Variants in MARCHF8 observed in about 807,000 individuals in gnomAD.
MARCHF8 encodes membrane associated ring-CH-type finger 8.
A neutral mutation model predicts 51.6 loss-of-function variants in MARCHF8; 40 were observed. The ratio of observed to expected loss-of-function variants is 0.77; its 90% CI spans 0.60 to 1.01. MARCHF8 has a LOEUF of 1.01. MARCHF8 is among the 50% of genes least tolerant of loss of function. The pLI is 0.00. For synonymous variants in MARCHF8, 263 were observed against 280.3 expected (o/e 0.94, Z 0.62); for missense variants, 685 against 708.6 (o/e 0.97, Z 0.38).
chr10:45,562,194 T>C (rs1009960742), intron 1 of MARCHF8, among the ~76,000 whole-genome samples: 9 of 151,900 alleles, frequency 5.9e-5, no homozygotes, highest in Non-Finnish European at 8.8e-5. Flanking sequence ...TAAGTCCTAG[T>C]GGGAAACAAT....
chr10:45,541,068 G>C (rs2044045144), intron 1 of MARCHF8, among the ~76,000 whole-genome samples: 2 of 152,214 alleles, frequency 1.3e-5, no homozygotes, highest in African/African-American at 4.8e-5. Context: ...CCCATTACTT[G>C]GTATATACTC....
At chr10:45,488,135 C>T (rs1189773638) in intron 3 of MARCHF8, among the ~76,000 whole-genome samples, 1 of 152,114 alleles carries the variant, frequency 6.6e-6, no homozygotes, top group Non-Finnish European at 1.5e-5. Flanking sequence ...GCTAAAAAGA[C>T]CACACCACAG....
rs41301623 is a variant in MARCHF8 at position 45,464,314 on chromosome 10, G to A, written c.167C>T (p.Pro56Leu). The change falls in exon 4 of 8, where the codon CCG becomes CTG. Residue 56 changes from proline (P) to leucine (L), a missense_variant. By Grantham distance (98) the Pro-to-Leu change is moderately conservative. Transcript: ENST00000453424. ...CACCGGAGCCGGAGCTGATGCTGAC[G>A]GAGGACTCCCAGCCTGCAATGACAG... ...SSNISKAGSP[P>L]SASAPAPVSS... 7,112 of 1,614,150 alleles carry A rather than the reference G, an allele frequency of 4.4e-3. 26 individuals are homozygous for A. Among genetic ancestry groups the A allele is most frequent in the Non-Finnish European group, 5.3e-3 (6,208 of 1,179,998 alleles).
rs1245600568 is a variant in MARCHF8, at chr10:45,463,534, C to A, written c.705G>T (p.Lys235Asn). The change falls in exon 5 of 8, where the codon AAG becomes AAT. Residue 235 changes from lysine (K) to asparagine (N), a missense_variant. Transcript: ENST00000453424. ...RSTASEVEAG[K>N]GGRPGLLLEE... ...CCAGCAGCAGGCCGGGCCTGCCCCC[C>A]TTGCCAGCTTCCACCTCTGAGGCAG... 1.3e-6 allele frequency: 2 copies of A among 1,550,546 alleles called. No individual in the cohort carries two copies. The highest frequency in any genetic ancestry group is 4.9e-5 in the East Asian group (2 of 40,938).
chr10:45,553,849 A>ACT (rs1202491667), intron 1 of MARCHF8, among the ~76,000 whole-genome samples: 2 of 152,118 alleles, frequency 1.3e-5, no homozygotes, highest in African/African-American at 4.8e-5. Flanking sequence ...ACACACACAC[A>ACT]CACTCTTGCT....
chr10:45,484,302 G>T (rs1266945462), intron 3 of MARCHF8, among the ~76,000 whole-genome samples: 1 of 152,200 alleles, frequency 6.6e-6, no homozygotes, highest in Admixed American at 6.5e-5. Flanking sequence ...AGTACATAGG[G>T]TGAGGACTGA....
intron 1 of MARCHF8, among the ~76,000 whole-genome samples, chr10:45,553,406 A>C (rs868748019): frequency 2.0e-5 from 3 of 152,340 alleles, no homozygotes; most frequent in Middle Eastern, 3.4e-3. Context: ...ACCCTAGATC[A>C]CAAGACTGGC....
At chr10:45,546,319 C>G (rs2044121516) in intron 1 of MARCHF8, among the ~76,000 whole-genome samples, 1 of 152,032 alleles carries the variant, frequency 6.6e-6, no homozygotes, top group Non-Finnish European at 1.5e-5. Context: ...CGCCACCACT[C>G]CTGTCTAATT....
chr10:45,537,635 A>G (rs2043991239), upstream of MARCHF8, among the ~76,000 whole-genome samples: 1 of 151,604 alleles, frequency 6.6e-6, no homozygotes, highest in Non-Finnish European at 1.5e-5. Flanking sequence ...CCTAGGTGAT[A>G]CAGTGAGACC....
intron 2 of MARCHF8, among the ~76,000 whole-genome samples, chr10:45,530,412 G>A (rs1003407185): frequency 3.9e-5 from 6 of 152,106 alleles, no homozygotes; most frequent in African/African-American, 1.4e-4. Flanking sequence ...TGGGTGTCAG[G>A]TATATGAAAA....
At chr10:45,567,243 T>A (rs2044375407) in intron 1 of MARCHF8, among the ~76,000 whole-genome samples, 1 of 152,234 alleles carries the variant, frequency 6.6e-6, no homozygotes, top group Admixed American at 6.5e-5. Flanking sequence ...CTTCCTTTTG[T>A]TGACTGTATC....
intron 1 of MARCHF8, among the ~76,000 whole-genome samples, chr10:45,561,530 T>C (rs2044310223): frequency 6.6e-6 from 1 of 150,986 alleles, no homozygotes; most frequent in Non-Finnish European, 1.5e-5. Context: ...CACCTCAGCC[T>C]CCCAAAGTGC....
intron 1 of MARCHF8, among the ~76,000 whole-genome samples, chr10:45,541,411 G>A (rs1039170190): frequency 6.6e-6 from 1 of 152,058 alleles, no homozygotes. Context: ...CACACACCGG[G>A]GCCTGTTGCG....
intron 2 of MARCHF8, among the ~76,000 whole-genome samples, chr10:45,525,853 A>G (rs964805360): frequency 6.6e-6 from 1 of 152,218 alleles, no homozygotes; most frequent in African/African-American, 2.4e-5. Context: ...AGTATTCTTC[A>G]AAACTGTCAA....
chr10:45,579,304 T>C (rs1200489799), intron 1 of MARCHF8, among the ~76,000 whole-genome samples: 1 of 152,074 alleles, frequency 6.6e-6, no homozygotes, highest in Non-Finnish European at 1.5e-5. Context: ...CTCTATATTC[T>C]TTGTGTATTT....
At chr10:45,567,410 G>A (rs1322309380) in intron 1 of MARCHF8, among the ~76,000 whole-genome samples, 2 of 152,170 alleles carry the variant, frequency 1.3e-5, no homozygotes, top group Non-Finnish European at 2.9e-5. Flanking sequence ...CATAGTTTGA[G>A]GTCTTAGCTT....
Position 45,463,858 on chromosome 10 carries a change from T to C in MARCHF8, c.381A>G (p.Ser127=). Residue 127 remains serine, a synonymous_variant, in exon 5 of 8, where the codon TCA becomes TCG. Transcript: ENST00000453424. ...TVICKDTLQA[S]KRNSFGSEWA... is the part of the protein sequence containing the mutation. ...ATTCTGAACCAAAGGAATTTCTCTT[T>C]GACGCCTGTAATGTGTCCTTACAGA... The C allele has an allele frequency of 2.6e-6, 4 of 1,540,496 alleles. No individual in the cohort carries two copies. Among genetic ancestry groups the C allele is most frequent in the Non-Finnish European group, 3.5e-6 (4 of 1,146,968 alleles).
rs553811276 is a variant in MARCHF8, at chr10:45,548,784, C to G, written c.-78-15495G>C. Among the ~76,000 whole-genome samples the G allele has an allele frequency of 3.9e-5, 6 of 152,044 alleles. No homozygotes were observed. The East Asian group carries it at 1.2e-3, about 29-fold the overall frequency. On this transcript the variant is annotated intron_variant, in intron 1 of 6. Coordinates refer to the MARCHF8 transcript ENST00000319836. ...GCCGAGGCGGTGGATCGCCTGAGGT[C>G]AGGAGTTCGTGACCAGCCTGGCCAA...
intron 1 of MARCHF8, among the ~76,000 whole-genome samples, chr10:45,557,317 C>T (rs553753114): frequency 2.1e-4 from 32 of 151,584 alleles, no homozygotes; most frequent in African/African-American, 6.8e-4. Flanking sequence ...TTAGTAGAGA[C>T]GGGGTTTTGC....
Sources: allele counts gnomAD v4.1 joint callset (sites outside exome capture counted in the v4.1 genomes callset), GRCh38; gene constraint gnomAD v4.1.1; transcripts MANE v1.5; gene names NCBI Gene and HGNC (gene_info 2026-07-23, HGNC 2026-07-21).